CYB5R2: variants seen among roughly 807,000 people sequenced by gnomAD.
The protein encoded by CYB5R2 is cytochrome b5 reductase 2, also known as NADH-cytochrome b5 reductase 2.
In CYB5R2, 35 loss-of-function variants were observed where a neutral mutation model predicts 29.8. The ratio of observed to expected loss-of-function variants is 1.17; its 90% CI spans 0.90 to 1.56. The LOEUF is 1.56. Among genes scored for constraint, CYB5R2 ranks in the 40% most tolerant of loss-of-function variants. CYB5R2 has a pLI of 0.00. For missense variants in CYB5R2, 419 were observed against 346.7 expected, an observed-to-expected ratio of 1.21 and a Z score of -1.66; for synonymous variants, 169 against 130.6, an observed-to-expected ratio of 1.29 and a Z score of -2.01.
At position 7,666,530 on chromosome 11, in the gene CYB5R2, G is replaced by T; in HGVS notation, c.579C>A (p.Val193=). 1 of 1,613,184 alleles carries T rather than the reference G, an allele frequency of 6.2e-7. No individual in the cohort carries two copies. The highest frequency in any genetic ancestry group is 8.5e-7 in the Non-Finnish European group (1 of 1,179,278). The part of the protein sequence containing the change: ...FANQTEEDIL[V]RKELEEIART... ...TGGCAATTTCTTCAAGCTCTTTTCTGACCAAGATATCCTCCTCTGTCTAGA... is the reference window on the plus strand; with the variant it reads ...TGGCAATTTCTTCAAGCTCTTTTCTTACCAAGATATCCTCCTCTGTCTAGA... Residue 193 remains valine, a synonymous_variant, in exon 8 of 9, where the codon GTC becomes GTA. Coordinates refer to ENST00000299498, the MANE Select transcript of CYB5R2 (RefSeq NM_016229.5).
intron 5 of CYB5R2, 194 bp from the exon 6 acceptor site, chr11:7,668,755 A>T (rs993729689): frequency 3.8e-5 from 24 of 623,382 alleles, no homozygotes; most frequent in Non-Finnish European, 6.0e-5. Context: ...GTGGGAATAG[A>T]GCCTGGGCTT....
chr11:7,665,354 T>C lies in CYB5R2; in HGVS notation c.*20A>G, dbSNP rs754144489. 45 of 1,487,828 alleles carry C rather than the reference T, an allele frequency of 3.0e-5. 1 individual carries two copies. In the Admixed American group the frequency reaches 1.1e-3, roughly 36 times the overall value. 92.2% of individuals were successfully genotyped at this position (1,487,828 alleles called of 1,614,324 possible). A position where few individuals can be genotyped will look rare whatever the true frequency, so the allele number is the denominator to read the frequency against. ...AACAGATGAAAAGGGACATGCAAAA[T>C]TGCTGAGCACGTGGAGGTGTTAGTA... On this transcript the variant is annotated 3_prime_UTR_variant, in exon 9 of 9. Transcript: ENST00000299498.
Position 7,666,568 on chromosome 11 carries a change from C to A in CYB5R2, c.559-18G>T. 1 of 1,585,348 alleles carries A rather than the reference C, an allele frequency of 6.3e-7. No individual in the cohort carries two copies. Among genetic ancestry groups the A allele is most frequent in the Non-Finnish European group, 8.7e-7 (1 of 1,154,230 alleles). Reference sequence around the variant, plus strand: ...TCCTCTGTCTAGAAAAGAAGCAACACTGAAAAAGCCCCTCCAGGGCCATCC... The same window carrying A: ...TCCTCTGTCTAGAAAAGAAGCAACAATGAAAAAGCCCCTCCAGGGCCATCC... On this transcript the variant is annotated intron_variant, in intron 7 of 8. Coordinates refer to ENST00000299498, the MANE Select transcript of CYB5R2 (RefSeq NM_016229.5).
chr11:7,672,647 G>A (rs1855823529), intron 2 of CYB5R2, 101 bp downstream of exon 2: 6 of 1,071,928 alleles, frequency 5.6e-6, no homozygotes, highest in African/African-American at 3.3e-5. Flanking sequence ...CACACAGGGC[G>A]GCGGGGAGTG....
Position 7,666,458 on chromosome 11 carries a change from A to AG in CYB5R2, c.650dup (p.Pro218SerfsTer45). 1 of 1,609,078 alleles carries AG rather than the reference A, an allele frequency of 6.2e-7. No individual in the cohort carries two copies. The highest frequency in any genetic ancestry group is 1.7e-5 in the Admixed American group (1 of 60,014). On this transcript the variant is annotated frameshift_variant, in exon 8 of 9. Coordinates refer to ENST00000299498, the MANE Select transcript of CYB5R2 (RefSeq NM_016229.5). LOFTEE classifies it high-confidence loss of function. Reference sequence around the variant, plus strand: ...GGGCAATGGATGTCGTACCAATGGGAGGCCTGTCCAGGGTGTACCACAGGT... The same window carrying AG: ...GGGCAATGGATGTCGTACCAATGGGAGGGCCTGTCCAGGGTGTACCACAGGT...
chr11:7,673,228 A>G, intron 1 of CYB5R2, 191 bp downstream of exon 1: 3 of 451,664 alleles, frequency 6.6e-6, no homozygotes, highest in South Asian at 3.1e-5. Flanking sequence ...GTGAAGGGGG[A>G]GGACATCACC....
Position 7,668,484 on chromosome 11 carries a change from C to G in CYB5R2, c.466G>C (p.Gly156Arg). The G allele has an allele frequency of 6.2e-7, 1 of 1,613,704 alleles. No homozygotes were observed. ...GCCCCTAGAAGCCTCTTACCTGTGC[C>G]CCCAGCAATCATTCCCAGGTGATCG... ...LADHLGMIAG[G>R]TGITPMLQLI... Residue 156 changes from glycine to arginine, a missense_variant, in exon 6 of 9, where the codon GGC becomes CGC. Gly to Arg is a moderately radical substitution (Grantham distance 125). Transcript: ENST00000299498.
chr11:7,673,899 C>T (rs372532122), upstream of CYB5R2: 9 of 998,880 alleles, frequency 9.0e-6, no homozygotes, highest in African/African-American at 1.2e-4. Context: ...GCTGGGACCC[C>T]GGCGGCTGGC....
At chr11:7,673,324 G>C in intron 1 of CYB5R2, 95 bp downstream of exon 1, 2 of 1,004,228 alleles carry the variant, frequency 2.0e-6, no homozygotes, top group Non-Finnish European at 2.4e-6. Flanking sequence ...GTGACTTAGG[G>C]CCTGGGGACT....
intron 7 of CYB5R2, 56 bp downstream of exon 7, chr11:7,667,672 A>G: frequency 6.7e-7 from 1 of 1,481,544 alleles, no homozygotes; most frequent in Admixed American, 1.7e-5. Context: ...AATGAAAACA[A>G]GAGCCCAGCT....
Position 7,669,304 on chromosome 11 carries a change from G to A in CYB5R2, c.289C>T (p.Pro97Ser). ...TACTGAGTCATCTTCCCACCTTCAG[G>A]ATATTGGGGGTGTACATTTTTGAAG... ...IYFKNVHPQY[P>S]EGGKMTQYLE... Residue 97 changes from proline to serine, a missense_variant, in exon 5 of 9, where the codon CCT (proline) becomes TCT (serine). Physicochemically the swap from Pro to Ser is moderately conservative, Grantham distance 74. Coordinates refer to ENST00000299498, the MANE Select transcript of CYB5R2 (RefSeq NM_016229.5). 6.2e-7 allele frequency: 1 copy of A among 1,613,534 alleles called. No homozygotes were observed. The highest frequency in any genetic ancestry group is 8.5e-7 in the Non-Finnish European group (1 of 1,179,702).
chr11:7,666,588 C>CTTTTT, intron 7 of CYB5R2, 38 bp from the exon 8 acceptor site: 1 of 1,476,024 alleles, frequency 6.8e-7, no homozygotes, highest in Non-Finnish European at 9.5e-7. Flanking sequence ...CCCTCCAGGG[C>CTTTTT]CATCCTCTTG....
chr11:7,666,908 C>G (rs926079461), intron 7 of CYB5R2: 1 of 186,134 alleles, frequency 5.4e-6, no homozygotes, highest in Non-Finnish European at 1.1e-5. Context: ...GCAAACCTAA[C>G]TGGAACAAGC....
intron 7 of CYB5R2, 144 bp from the exon 8 acceptor site, chr11:7,666,694 G>A: frequency 1.7e-6 from 1 of 572,270 alleles, no homozygotes. Flanking sequence ...GCAAACAAGA[G>A]TTCTGCTGCT....
At chr11:7,674,260 G>A (rs977363670), upstream of CYB5R2, 3 of 1,288,930 alleles carry the variant, frequency 2.3e-6, no homozygotes, top group African/African-American at 3.0e-5. Context: ...GGTCCGGGGC[G>A]GGTGTTTGCG....
intron 7 of CYB5R2, chr11:7,666,764 C>T (rs894581012): frequency 1.1e-5 from 5 of 452,606 alleles, no homozygotes; most frequent in Non-Finnish European, 2.0e-5. Context: ...GATGAAGAAC[C>T]TCCATGGGAT....
In CYB5R2 at chr11:7,668,479, T is replaced by C; in HGVS notation, c.471A>G (p.Thr157=). ...ATGGAGCCCCTAGAAGCCTCTTACC[T>C]GTGCCCCCAGCAATCATTCCCAGGT... ...ADHLGMIAGG[T]GITPMLQLIR... Residue 157 remains threonine (T), a splice_region_variant and synonymous_variant, in exon 6 of 9, where the codon ACA becomes ACG. Coordinates refer to ENST00000299498, the MANE Select transcript of CYB5R2 (RefSeq NM_016229.5). The C allele has an allele frequency of 1.9e-6, 3 of 1,613,358 alleles. No homozygotes were observed. The highest frequency in any genetic ancestry group is 2.5e-6 in the Non-Finnish European group (3 of 1,179,264).
chr11:7,674,026 G>A, upstream of CYB5R2: 1 of 1,170,836 alleles, frequency 8.5e-7, no homozygotes, highest in Non-Finnish European at 1.1e-6. Flanking sequence ...CTGAGCCGTG[G>A]CGTCCTCGCT....
intron 8 of CYB5R2, chr11:7,665,939 C>T (rs921279123): frequency 6.5e-7 from 1 of 1,535,450 alleles, no homozygotes; most frequent in Non-Finnish European, 8.7e-7. Flanking sequence ...CGACCAGGGA[C>T]CTGTATGACA....
Sources: allele counts gnomAD v4.1 joint callset, GRCh38; gene constraint gnomAD v4.1.1; transcripts MANE v1.5; gene names NCBI Gene and HGNC (gene_info 2026-07-23, HGNC 2026-07-21).